PGM5: variants seen among roughly 807,000 people sequenced by gnomAD.
The protein encoded by PGM5 is phosphoglucomutase 5.
In PGM5, 23 loss-of-function variants were observed where a neutral mutation model predicts 59.2. The observed-to-expected ratio is 0.39, with a 90% CI of 0.28 to 0.55. The LOEUF is 0.55. Among genes scored for constraint, PGM5 ranks in the 20% least tolerant of loss-of-function variants. The pLI is 0.66. For synonymous variants in PGM5, 214 were observed against 286.0 expected (o/e 0.75, Z 2.54); for missense variants, 574 against 748.3 (o/e 0.77, Z 2.72).
intron 9 of PGM5, among the ~76,000 whole-genome samples, chr9:68,489,712 C>T (rs1197345110): frequency 6.6e-6 from 1 of 152,056 alleles, no homozygotes; most frequent in African/African-American, 2.4e-5. Context: ...AGTGATCCGC[C>T]CACCTCGGCC....
At chr9:68,452,399 G>A (rs1371232983) in intron 6 of PGM5, among the ~76,000 whole-genome samples, 5 of 152,166 alleles carry the variant, frequency 3.3e-5, no homozygotes, top group African/African-American at 1.2e-4. Context: ...CCAGAGAAGG[G>A]GGGAGGGTCA....
At chr9:68,403,813 AC>A (rs1449474847) in intron 6 of PGM5, among the ~76,000 whole-genome samples, 2 of 152,028 alleles carry the variant, frequency 1.3e-5, no homozygotes, top group Admixed American at 1.3e-4. Context: ...GACCTGTATT[AC>A]CCCCAAGGTG....
At chr9:68,388,978 A>G (rs1421826355) in intron 4 of PGM5, among the ~76,000 whole-genome samples, 2 of 151,886 alleles carry the variant, frequency 1.3e-5, no homozygotes, top group African/African-American at 2.4e-5. Flanking sequence ...AAGTTTTTGA[A>G]TTACTATTTA....
In PGM5 at chr9:68,387,504, C is replaced by T. The variant is rs138311393; in HGVS notation, c.613C>T (p.Arg205Trp). 59 of 1,611,736 alleles carry T rather than the reference C, an allele frequency of 3.7e-5. No homozygotes were observed. Among genetic ancestry groups the T allele is most frequent in the African/African-American group, 8.0e-5 (6 of 74,780 alleles). Reference sequence around the variant, plus strand: ...AGTGGATATCTATCTTAACCTCCTTCGGACCATCTTTGACTTTCATGCCAT... The same window carrying T: ...AGTGGATATCTATCTTAACCTCCTTTGGACCATCTTTGACTTTCATGCCAT... ...DPVDIYLNLL[R>W]TIFDFHAIKG... Residue 205 changes from arginine (R) to tryptophan (W), a missense_variant, in exon 4 of 11, where the codon CGG (arginine) becomes TGG (tryptophan). Arg to Trp is a moderately radical substitution (Grantham distance 101). This residue lies in a region of PGM5 where 103 missense variants were observed against 112.4 expected (regional missense o/e 0.92). Coordinates refer to ENST00000396396, the MANE Select transcript of PGM5 (RefSeq NM_021965.4).
chr9:68,516,583 G>A (rs1012288579), intron 10 of PGM5, among the ~76,000 whole-genome samples: 3 of 152,208 alleles, frequency 2.0e-5, no homozygotes, highest in Admixed American at 6.5e-5. Context: ...CCATGGGTGG[G>A]CCTGAGAGGA....
chr9:68,480,737 G>A (rs1824184367), intron 8 of PGM5, among the ~76,000 whole-genome samples: 1 of 151,882 alleles, frequency 6.6e-6, no homozygotes. Context: ...AAAAAACAGG[G>A]AAAAAGAAGT....
At chr9:68,525,179 C>G (rs1240908127) in intron 10 of PGM5, among the ~76,000 whole-genome samples, 1 of 132,044 alleles carries the variant, frequency 7.6e-6, no homozygotes, top group Non-Finnish European at 1.5e-5. Flanking sequence ...GAGTAAAAAC[C>G]CGGCACTGTT....
chr9:68,446,075 G>T (rs368152771), intron 6 of PGM5, among the ~76,000 whole-genome samples: 4 of 152,284 alleles, frequency 2.6e-5, no homozygotes, highest in African/African-American at 9.6e-5. Context: ...TTGGCTTTTT[G>T]AGGCAAGATA....
At chr9:68,409,859 A>G (rs1822893899) in intron 6 of PGM5, among the ~76,000 whole-genome samples, 1 of 133,718 alleles carries the variant, frequency 7.5e-6, no homozygotes, top group Non-Finnish European at 1.6e-5. Context: ...TATGTACCCT[A>G]AAACTTAAAG....
At chr9:68,359,761 C>A (rs1410984950) in intron 1 of PGM5, among the ~76,000 whole-genome samples, 1 of 152,210 alleles carries the variant, frequency 6.6e-6, no homozygotes, top group Non-Finnish European at 1.5e-5. Context: ...CAAATCTAAC[C>A]AGTGGGCTGC....
At chr9:68,434,763 CTG>C (rs1823418953) in intron 6 of PGM5, among the ~76,000 whole-genome samples, 1 of 151,176 alleles carries the variant, frequency 6.6e-6, no homozygotes, top group African/African-American at 2.4e-5. Flanking sequence ...GCGCTCCAGA[CTG>C]AGAGACAGCA....
At chr9:68,505,774 C>G (rs1554688976) in intron 10 of PGM5, among the ~76,000 whole-genome samples, 1 of 152,172 alleles carries the variant, frequency 6.6e-6, no homozygotes, top group Non-Finnish European at 1.5e-5. Context: ...GGAGTTTTCA[C>G]TAGGTAATTA....
intron 1 of PGM5, chr9:68,357,824 A>T: frequency 4.0e-6 from 1 of 251,362 alleles, no homozygotes; most frequent in Non-Finnish European, 7.8e-6. Context: ...GGCTCACAAC[A>T]TAGTCCCTCT....
At chr9:68,479,859 GGAAGGC>G (rs1824166016) in intron 8 of PGM5, among the ~76,000 whole-genome samples, 1 of 151,154 alleles carries the variant, frequency 6.6e-6, no homozygotes, top group African/African-American at 2.4e-5. Flanking sequence ...GCGTGAACCC[GGAAGGC>G]GGAGCCGAGA....
chr9:68,424,078 C>T (rs1463601985), intron 6 of PGM5, among the ~76,000 whole-genome samples: 4 of 152,166 alleles, frequency 2.6e-5, no homozygotes, highest in Admixed American at 6.5e-5. Flanking sequence ...TATCTGCCCT[C>T]CGCAAGCCTC....
intron 6 of PGM5, among the ~76,000 whole-genome samples, chr9:68,409,317 C>A (rs202102813): frequency 7.1e-6 from 1 of 140,324 alleles, no homozygotes; most frequent in Non-Finnish European, 1.5e-5. Context: ...GTCAGTGTGG[C>A]GATTCCTCAG....
intron 6 of PGM5, among the ~76,000 whole-genome samples, chr9:68,401,221 C>G (rs1397115912): frequency 6.6e-6 from 1 of 152,004 alleles, no homozygotes; most frequent in Non-Finnish European, 1.5e-5. Context: ...ATCTTTTATT[C>G]AATTTTTCTG....
intron 6 of PGM5, chr9:68,397,757 G>T (rs1477874391): frequency 2.6e-5 from 4 of 152,178 alleles, no homozygotes; most frequent in Non-Finnish European, 4.4e-5. Flanking sequence ...CGAGCATCTT[G>T]CTTAGATAGG....
At chr9:68,494,588 C>A (rs191656911) in intron 9 of PGM5, among the ~76,000 whole-genome samples, 29 of 152,350 alleles carry the variant, frequency 1.9e-4, no homozygotes, top group Admixed American at 1.8e-3. Context: ...GAAAGCCAGG[C>A]ACCACCATTT....
Sources: gnomAD v4.1 joint callset for allele counts (sites outside exome capture counted in the v4.1 genomes callset) on GRCh38, gnomAD v4.1.1 for gene constraint, gnomAD v4.1.1 regional missense constraint, MANE v1.5 for transcripts, NCBI Gene and HGNC (gene_info 2026-07-23, HGNC 2026-07-21) for gene names.